Variants in LRP5 observed in about 807,000 individuals in gnomAD.
LRP5 encodes the protein LDL receptor related protein 5, also known as low-density lipoprotein receptor-related protein 5.
Under a neutral mutation model 154.1 loss-of-function variants are expected in LRP5, and 62 were observed. The observed-to-expected ratio is 0.40, with a 90% CI of 0.33 to 0.50. The LOEUF is 0.50. Among genes scored for constraint, LRP5 ranks in the 20% least tolerant of loss-of-function variants. LRP5 has a pLI of 0.55. For synonymous variants in LRP5, 966 were observed against 1,011.5 expected (o/e 0.96, Z 0.85); for missense variants, 1,915 against 2,336.7 (o/e 0.82, Z 3.72).
At chr11:68,431,607 T>G (rs1235501704) in intron 17 of LRP5, among the ~76,000 whole-genome samples, 1 of 151,820 alleles carries the variant, frequency 6.6e-6, no homozygotes, top group African/African-American at 2.4e-5. Context: ...GCTCGGGGAG[T>G]AGGGCCGCGG....
Position 68,386,644 on chromosome 11 carries a change from C to G in LRP5, c.1344C>G (p.Thr448=), listed in dbSNP as rs2153153306. 3 of 1,613,636 alleles carry G rather than the reference C, an allele frequency of 1.9e-6. No individual in the cohort carries two copies. Among genetic ancestry groups the G allele is most frequent in the Non-Finnish European group, 2.5e-6 (3 of 1,179,942 alleles). The change falls in exon 6 of 23, where the codon ACC becomes ACG. Residue 448 remains threonine (T), a synonymous_variant. Coordinates refer to ENST00000294304, the MANE Select transcript of LRP5 (RefSeq NM_002335.4). The surrounding 1 kb of genome is among the most constrained non-coding windows in gnomAD (Gnocchi z 7.9). ...TCGAGGTGACGCGCCTCAACGGCAC[C>G]TCCCGCAAGATCCTGGTGTCGGAGG... ...DRIEVTRLNG[T]SRKILVSEDL...
At chr11:68,352,775 G>A (rs1354811426) in intron 2 of LRP5, among the ~76,000 whole-genome samples, 1 of 149,610 alleles carries the variant, frequency 6.7e-6, no homozygotes, top group African/African-American at 2.5e-5. Flanking sequence ...GGTGCTCGGT[G>A]CTAGGTTGGG....
rs1048035732 is a variant in LRP5 at position 68,411,442 on chromosome 11, C to T, written c.2325C>T (p.Ile775=). 6.2e-7 allele frequency: 1 copy of T among 1,611,694 alleles called. No homozygotes were observed. The highest frequency in any genetic ancestry group is 2.2e-5 in the East Asian group (1 of 44,890). ...TCTCCCTTGTGCCTTCCAGCTACAT[C>T]TACTGGACCGAGTGGGGCGGCAAGC... is the stretch of plus-strand genomic sequence containing the variant. The part of the protein sequence containing the change: ...SLALDPTKGY[I]YWTEWGGKPR... The change falls in exon 11 of 23, where the codon ATC becomes ATT. Residue 775 remains isoleucine (I), a synonymous_variant. Coordinates refer to ENST00000294304, the MANE Select transcript of LRP5 (RefSeq NM_002335.4).
intron 13 of LRP5, among the ~76,000 whole-genome samples, chr11:68,418,716 G>A (rs530114505): frequency 6.6e-6 from 1 of 152,268 alleles, no homozygotes; most frequent in African/African-American, 2.4e-5. Flanking sequence ...TTGAAATTCA[G>A]AGCCATGCCT....
chr11:68,331,200 CG>C (rs933290333), intron 1 of LRP5, among the ~76,000 whole-genome samples: 7 of 152,194 alleles, frequency 4.6e-5, no homozygotes, highest in African/African-American at 1.7e-4. Context: ...CGGGTGAGTC[CG>C]GGTAAGTGGA....
At position 68,429,683 on chromosome 11, in the gene LRP5, A is replaced by G. The variant is rs779694789; in HGVS notation, c.3746A>G (p.Asn1249Ser). ...SCPVHLVLLQNLLTCGEPPTC... is the reference protein window; with the variant it reads ...SCPVHLVLLQSLLTCGEPPTC... ...CCAGTCCACCTCGTGCTCCTGCAGA[A>G]CCTGCTGACCTGTGGAGGTAGGTGT... Residue 1249 changes from asparagine (N) to serine (S), a missense_variant, in exon 17 of 23, where the codon AAC becomes AGC. Around this residue, in one of 3 missense-constraint regions of LRP5, gnomAD observed 1,094 missense variants for 1,210.1 expected, o/e 0.90. Coordinates refer to ENST00000294304, the MANE Select transcript of LRP5 (RefSeq NM_002335.4). 1 of 1,614,148 alleles carries G rather than the reference A, an allele frequency of 6.2e-7. No homozygotes were observed. Among genetic ancestry groups the G allele is most frequent in the South Asian group, 1.1e-5 (1 of 91,082 alleles).
intron 1 of LRP5, among the ~76,000 whole-genome samples, chr11:68,328,153 C>T (rs1337269682): frequency 6.6e-6 from 1 of 152,192 alleles, no homozygotes; most frequent in Non-Finnish European, 1.5e-5. Context: ...GGTACAGTGT[C>T]GCGGAGCCCG....
intron 9 of LRP5, 111 bp downstream of exon 9, chr11:68,406,924 A>G (rs1264236874): frequency 2.0e-5 from 22 of 1,123,630 alleles, no homozygotes; most frequent in Non-Finnish European, 2.6e-5. Context: ...TATTTATTGT[A>G]ACGCAGTTCA....
chr11:68,331,480 G>A (rs933349490), intron 1 of LRP5, among the ~76,000 whole-genome samples: 10 of 152,252 alleles, frequency 6.6e-5, no homozygotes, highest in Admixed American at 3.9e-4. Context: ...CCAGCTCTGC[G>A]GTGGAGCAGC....
chr11:68,321,044 A>G (rs2098596440), intron 1 of LRP5, among the ~76,000 whole-genome samples: 1 of 141,720 alleles, frequency 7.1e-6, no homozygotes, highest in East Asian at 2.0e-4. Flanking sequence ...ACATTCAGAC[A>G]TTATTCTGTC....
chr11:68,357,883 C>G (rs1320154088), intron 3 of LRP5, 36 bp downstream of exon 3: 2 of 1,576,444 alleles, frequency 1.3e-6, no homozygotes, highest in Admixed American at 3.6e-5. Context: ...ACCCCTTTCC[C>G]CTTTGTCCCC....
intron 13 of LRP5, among the ~76,000 whole-genome samples, chr11:68,422,058 G>T (rs1023645711): frequency 6.6e-6 from 1 of 152,042 alleles, no homozygotes; most frequent in Non-Finnish European, 1.5e-5. Flanking sequence ...CTTCTGAATA[G>T]CTGGGACTGT....
At chr11:68,426,307 C>T in intron 16 of LRP5, 120 bp downstream of exon 16, 1 of 790,806 alleles carries the variant, frequency 1.3e-6, no homozygotes, top group South Asian at 1.8e-5. Context: ...CTGCCAGATG[C>T]CAACTGTTGC....
At chr11:68,377,104 C>T (rs1192676347) in intron 5 of LRP5, among the ~76,000 whole-genome samples, 1 of 152,178 alleles carries the variant, frequency 6.6e-6, no homozygotes, top group Admixed American at 6.5e-5. Context: ...ATCCCATCCC[C>T]ACTGCCTGCC....
At chr11:68,429,840 C>G in intron 17 of LRP5, 140 bp downstream of exon 17, 1 of 1,131,818 alleles carries the variant, frequency 8.8e-7, no homozygotes, top group South Asian at 1.3e-5. Flanking sequence ...TTCCTTTGCC[C>G]TCCTTTCTTT....
chr11:68,392,941 C>T (rs2098647184), intron 7 of LRP5, among the ~76,000 whole-genome samples: 1 of 152,040 alleles, frequency 6.6e-6, no homozygotes, highest in Non-Finnish European at 1.5e-5. Flanking sequence ...GCCTGGCCAG[C>T]CTAGCAAGAC....
At chr11:68,398,922 A>T (rs969280489) in intron 7 of LRP5, among the ~76,000 whole-genome samples, 1 of 152,054 alleles carries the variant, frequency 6.6e-6, no homozygotes, top group Non-Finnish European at 1.5e-5. Flanking sequence ...ATTTTAGTAA[A>T]GACAGGGTCT....
At chr11:68,351,864 G>C (rs190375513) in intron 2 of LRP5, among the ~76,000 whole-genome samples, 1 of 152,332 alleles carries the variant, frequency 6.6e-6, no homozygotes, top group East Asian at 1.9e-4. Flanking sequence ...GTCGAGACTG[G>C]AAGCAGATGA....
At chr11:68,438,008 T>G (rs1225577735) in intron 19 of LRP5, among the ~76,000 whole-genome samples, 1 of 152,188 alleles carries the variant, frequency 6.6e-6, no homozygotes, top group Admixed American at 6.5e-5. Flanking sequence ...GCAGCCTTGA[T>G]AGTGGAGTGG....
Sources: allele counts gnomAD v4.1 joint callset (sites outside exome capture counted in the v4.1 genomes callset), GRCh38; gene constraint gnomAD v4.1.1; regional missense constraint gnomAD v4.1.1; non-coding constraint Gnocchi (gnomAD v3.1); transcripts MANE v1.5; gene names NCBI Gene and HGNC (gene_info 2026-07-23, HGNC 2026-07-21).